The following NOL4 variants were observed in gnomAD, a reference collection of about 807,000 sequenced individuals.
The protein encoded by NOL4 is nucleolar protein 4, also known as cancer/testis antigen 125.
In NOL4, 17 loss-of-function variants were observed where a neutral mutation model predicts 75.9. That is an observed-to-expected ratio of 0.22 (90% CI 0.15 to 0.34). NOL4 has a LOEUF of 0.34. NOL4 is among the 10% of genes least tolerant of loss of function. NOL4 has a pLI of 1.00. For missense variants in NOL4, 614 were observed against 793.5 expected, an observed-to-expected ratio of 0.77 and a Z score of 2.72; for synonymous variants, 292 against 289.9, an observed-to-expected ratio of 1.01 and a Z score of -0.07.
At chr18:33,896,183 T>TCA in intron 9 of NOL4, among the ~76,000 whole-genome samples, 1 of 152,154 alleles carries the variant, frequency 6.6e-6, no homozygotes. Context: ...CTTCTCATGC[T>TCA]CATGAATAGG....
chr18:34,174,795 A>C (rs1053473760), intron 1 of NOL4, among the ~76,000 whole-genome samples: 2 of 152,028 alleles, frequency 1.3e-5, no homozygotes, highest in African/African-American at 4.8e-5. Flanking sequence ...TTCTGTTCTT[A>C]TGTGAGTTTG....
intron 2 of NOL4, among the ~76,000 whole-genome samples, chr18:34,123,534 T>TAC (rs1357011495): frequency 2.8e-5 from 1 of 35,142 alleles, no homozygotes; most frequent in African/African-American, 7.4e-5. Context: ...GTGATAACCA[T>TAC]ATATATATAT....
chr18:34,021,766 G>A (rs1006879722), intron 5 of NOL4, among the ~76,000 whole-genome samples: 10 of 152,180 alleles, frequency 6.6e-5, no homozygotes, highest in Admixed American at 6.5e-4. Flanking sequence ...GAACTGGTAC[G>A]ACTAGTAGTA....
intron 5 of NOL4, among the ~76,000 whole-genome samples, chr18:34,030,387 A>T (rs1433648970): frequency 7.9e-5 from 12 of 152,184 alleles, no homozygotes. Flanking sequence ...GTGGGACAAA[A>T]GGCCTAATCT....
At chr18:34,107,864 A>C (rs1036348233) in intron 2 of NOL4, among the ~76,000 whole-genome samples, 4 of 152,174 alleles carry the variant, frequency 2.6e-5, no homozygotes, top group African/African-American at 9.7e-5. Flanking sequence ...ACAACAACTA[A>C]GGAATCCAAG....
In NOL4 at chr18:33,852,856, A is replaced by G. The variant is rs374705676; in HGVS notation, c.1903T>C (p.Leu635=). ...GGTCGTCTGTCTCAGTTCTGTTGTA[A>G]AATGAGATTTTCCAGTTCATCTGCA... ...RSADELENLI[L]QQN The change falls in exon 11 of 11, where the codon TTA becomes CTA. Residue 635 remains leucine (L), a synonymous_variant. Coordinates refer to ENST00000261592, the MANE Select transcript of NOL4 (RefSeq NM_003787.5). The G allele has an allele frequency of 9.9e-6, 16 of 1,612,200 alleles. No homozygotes were observed. Among genetic ancestry groups the G allele is most frequent in the African/African-American group, 4.0e-5 (3 of 74,804 alleles).
At chr18:33,914,483 C>T (rs1333358272) in intron 9 of NOL4, among the ~76,000 whole-genome samples, 1 of 151,974 alleles carries the variant, frequency 6.6e-6, no homozygotes, top group Non-Finnish European at 1.5e-5. Flanking sequence ...ATAATAATGA[C>T]ATAAACTGAA....
chr18:33,971,913 C>A (rs1427848453), intron 6 of NOL4, among the ~76,000 whole-genome samples: 1 of 152,004 alleles, frequency 6.6e-6, no homozygotes, highest in Non-Finnish European at 1.5e-5. Context: ...TACCTGTAAT[C>A]CCAGCACTTT....
At chr18:33,896,673 G>A (rs1173517231) in intron 9 of NOL4, among the ~76,000 whole-genome samples, 1 of 152,152 alleles carries the variant, frequency 6.6e-6, no homozygotes, top group African/African-American at 2.4e-5. Context: ...AGCCTTGGAA[G>A]ACAACTTAGG....
intron 1 of NOL4, among the ~76,000 whole-genome samples, chr18:34,189,635 A>C (rs1343263930): frequency 6.6e-6 from 1 of 152,218 alleles, no homozygotes. Context: ...TATATGTAAT[A>C]ATACATTTTA....
At chr18:33,880,211 T>C (rs1208059448) in intron 10 of NOL4, among the ~76,000 whole-genome samples, 1 of 152,086 alleles carries the variant, frequency 6.6e-6, no homozygotes, top group Non-Finnish European at 1.5e-5. Context: ...GACCTTTATA[T>C]ATTGACCTGC....
chr18:33,958,465 C>G (rs2069838123), intron 6 of NOL4, 47 bp from the exon 7 acceptor site: 1 of 1,484,854 alleles, frequency 6.7e-7, no homozygotes, highest in Admixed American at 2.1e-5. Context: ...ATTGCACAAG[C>G]TTATAAGTTT....
chr18:33,884,097 T>C (rs989308040), intron 9 of NOL4, among the ~76,000 whole-genome samples: 17 of 152,094 alleles, frequency 1.1e-4, no homozygotes, highest in African/African-American at 3.4e-4. Flanking sequence ...GGAAGGGTAA[T>C]TTTTATGTTA....
intron 1 of NOL4, among the ~76,000 whole-genome samples, chr18:34,132,186 C>A (rs558323012): frequency 6.6e-6 from 1 of 152,284 alleles, no homozygotes; most frequent in African/African-American, 2.4e-5. Context: ...CTGGTGAGGA[C>A]CCTTATGATG....
chr18:34,159,167 G>A (rs922143490), intron 1 of NOL4, among the ~76,000 whole-genome samples: 1 of 152,136 alleles, frequency 6.6e-6, no homozygotes, highest in South Asian at 2.1e-4. Flanking sequence ...AGGGAGAAAG[G>A]CGCCCTCCAC....
chr18:34,222,074 CCA>C (rs1389704688), intron 1 of NOL4: 1 of 1,535,166 alleles, frequency 6.5e-7, no homozygotes, highest in African/African-American at 1.4e-5. Context: ...TACTTGTAGC[CCA>C]CAGTTCCCAT....
chr18:33,938,428 T>C (rs550172981), intron 9 of NOL4, among the ~76,000 whole-genome samples: 1 of 152,234 alleles, frequency 6.6e-6, no homozygotes, highest in South Asian at 2.1e-4. Flanking sequence ...TTTCTCCACA[T>C]CCTCTCCAGC....
Position 34,222,260 on chromosome 18 carries a change from C to A in NOL4, c.264+730G>T, listed in dbSNP as rs548554835. On this transcript the variant is annotated intron_variant, in intron 1 of 10. Coordinates refer to ENST00000261592, the MANE Select transcript of NOL4 (RefSeq NM_003787.5). ...AAAAGGAACAAATACACACACCATTCGATAGCGCCTAAACCCATCTTTCTT... is the reference window on the plus strand; with the variant it reads ...AAAAGGAACAAATACACACACCATTAGATAGCGCCTAAACCCATCTTTCTT... 1,826 of 1,379,926 alleles carry A rather than the reference C, an allele frequency of 1.3e-3. 2 individuals carry two copies. Among genetic ancestry groups the A allele is most frequent in the Non-Finnish European group, 1.6e-3 (1,726 of 1,071,228 alleles). 85.5% of individuals were successfully genotyped at this position (1,379,926 alleles called of 1,614,324 possible).
intron 1 of NOL4, among the ~76,000 whole-genome samples, chr18:34,130,320 A>G (rs1002344466): frequency 2.0e-5 from 3 of 151,986 alleles, no homozygotes; most frequent in Admixed American, 2.0e-4. Context: ...GATTTTCTTA[A>G]ATTATTTTAA....
Sources: gnomAD v4.1 joint callset for allele counts (sites outside exome capture counted in the v4.1 genomes callset) on GRCh38, gnomAD v4.1.1 for gene constraint, MANE v1.5 for transcripts, NCBI Gene and HGNC (gene_info 2026-07-23, HGNC 2026-07-21) for gene names.